Variants in SLC35F5 observed in about 807,000 individuals in gnomAD.
SLC35F5 encodes solute carrier family 35 member F5.
In SLC35F5, 54 loss-of-function variants were observed where a neutral mutation model predicts 68.6. The observed-to-expected ratio is 0.79, with a 90% CI of 0.63 to 0.99. The LOEUF (loss-of-function observed/expected upper bound fraction) is 0.99. Among genes scored for constraint, SLC35F5 ranks in the 50% least tolerant of loss-of-function variants. SLC35F5 has a pLI of 0.00. For missense variants in SLC35F5, 567 were observed against 626.9 expected (o/e 0.90, Z 1.02); for synonymous variants, 211 against 205.2 (o/e 1.03, Z -0.24).
chr2:113,737,497 G>GATTC (rs1275091112), intron 7 of SLC35F5, among the ~76,000 whole-genome samples: 1 of 152,190 alleles, frequency 6.6e-6, no homozygotes, highest in Non-Finnish European at 1.5e-5. Flanking sequence ...TAGAAAAGAA[G>GATTC]ATTCGACCCT....
At chr2:113,727,019 A>C (rs908906026) in intron 11 of SLC35F5, among the ~76,000 whole-genome samples, 1 of 152,122 alleles carries the variant, frequency 6.6e-6, no homozygotes, top group African/African-American at 2.4e-5. Flanking sequence ...TTGACTTGTA[A>C]TCCCCACGTG....
downstream of SLC35F5, among the ~76,000 whole-genome samples, chr2:113,704,465 G>A (rs1686759790): frequency 6.6e-6 from 1 of 152,216 alleles, no homozygotes; most frequent in African/African-American, 2.4e-5. Context: ...GGGCACCGCG[G>A]AGCAGGGGGC....
At chr2:113,728,026 C>T (rs1687735369) in intron 11 of SLC35F5, among the ~76,000 whole-genome samples, 1 of 152,144 alleles carries the variant, frequency 6.6e-6, no homozygotes, top group South Asian at 2.1e-4. Flanking sequence ...GCATCTTACT[C>T]TGTTACCCAG....
intron 10 of SLC35F5, among the ~76,000 whole-genome samples, chr2:113,730,075 T>G (rs1180064243): frequency 6.6e-6 from 1 of 152,220 alleles, no homozygotes; most frequent in Non-Finnish European, 1.5e-5. Context: ...TACTTACTAT[T>G]GTCAAGTGTG....
chr2:113,755,896 A>G (rs1676964884), intron 1 of SLC35F5: 1 of 1,550,524 alleles, frequency 6.4e-7, no homozygotes, highest in African/African-American at 1.4e-5. Flanking sequence ...CAGCGTCTAG[A>G]CACTGTTTCT....
intron 7 of SLC35F5, among the ~76,000 whole-genome samples, chr2:113,739,319 G>GT (rs1688203081): frequency 1.3e-5 from 2 of 151,130 alleles, no homozygotes; most frequent in South Asian, 2.1e-4. Context: ...TTGTGCTATT[G>GT]TTTTTCAATC....
In SLC35F5 at chr2:113,708,714, T is replaced by A. The variant is rs182206747; in HGVS notation, c.*6504A>T. On this transcript the variant is annotated 3_prime_UTR_variant, in exon 16 of 16. Coordinates refer to ENST00000245680, the MANE Select transcript of SLC35F5 (RefSeq NM_025181.5). ...GAGTGAGACTCTGTCTCAAAAAAAATAAAAAATAAAAAATAAAATACTGCA... is the reference window on the plus strand; with the variant it reads ...GAGTGAGACTCTGTCTCAAAAAAAAAAAAAAATAAAAAATAAAATACTGCA... Among the ~76,000 whole-genome samples the A allele has an allele frequency of 3.3e-3, 493 of 151,122 alleles. 9 individuals are homozygous for A. The highest frequency in any genetic ancestry group is 0.012 in the African/African-American group (472 of 40,766).
downstream of SLC35F5, among the ~76,000 whole-genome samples, chr2:113,704,646 G>A (rs1007344303): frequency 2.8e-4 from 42 of 152,160 alleles, no homozygotes; most frequent in African/African-American, 8.9e-4. Context: ...CCGCTGGCCC[G>A]GGTGCTAAGC....
rs748206952 is a variant in SLC35F5, at chr2:113,755,217, A to G, written c.221T>C (p.Val74Ala). The G allele has an allele frequency of 2.4e-5, 38 of 1,614,092 alleles. No individual in the cohort carries two copies. The highest frequency in any genetic ancestry group is 6.7e-5 in the Admixed American group (4 of 60,018). Residue 74 changes from valine (V) to alanine (A), a missense_variant, in exon 3 of 16, where the codon GTT (valine) becomes GCT (alanine). By Grantham distance (64) the Val-to-Ala change is moderately conservative. Transcript: ENST00000245680. Reference protein sequence around the residue: ...TQRRRMALGIVILLLVDVIWV... With the variant: ...TQRRRMALGIAILLLVDVIWV... ...TATCACATCAACAAGCAGAAGAATAACAATCCCAAGAGCCATTCGCCTGCG... is the reference window on the plus strand; with the variant it reads ...TATCACATCAACAAGCAGAAGAATAGCAATCCCAAGAGCCATTCGCCTGCG...
rs1677000164 is a variant in SLC35F5 at position 113,756,510 on chromosome 2, A to G, written c.-101T>C. The G allele has an allele frequency of 2.6e-6, 4 of 1,510,126 alleles. No individual in the cohort carries two copies. Among genetic ancestry groups the G allele is most frequent in the Non-Finnish European group, 3.5e-6 (4 of 1,133,526 alleles). 93.5% of individuals were successfully genotyped at this position (1,510,126 alleles called of 1,614,324 possible). ...TGACATCGCGCCGCACTGGAGGCCC[A>G]GCTCCTGAAGACGCGGTGCCCCTCA... is the stretch of plus-strand genomic sequence containing the variant. On this transcript the variant is annotated 5_prime_UTR_variant, in exon 1 of 16. Coordinates refer to ENST00000245680, the MANE Select transcript of SLC35F5 (RefSeq NM_025181.5).
chr2:113,713,769 A>AAAAAAAGAG lies in SLC35F5; in HGVS notation c.*1448_*1449insCTCTTTTTT, dbSNP rs578213425. The AAAAAAAGAG allele has an allele frequency of 1.4e-5, 2 of 138,752 alleles. No individual in the cohort carries two copies. Among genetic ancestry groups the AAAAAAAGAG allele is most frequent in the Non-Finnish European group, 1.6e-5 (1 of 64,228 alleles). The allele number at this position is 138,752 out of a possible 1,614,324, so 8.6% of individuals were successfully genotyped here. The stretch of plus-strand genomic sequence containing the variant: ...ATGATTAAAAAAAAAAAAAAAAAAA[A>AAAAAAAGAG]AGAGAGCTGTTTGTATTTTAAATTT... On this transcript the variant is annotated 3_prime_UTR_variant, in exon 16 of 16. Transcript: ENST00000245680.
Position 113,725,447 on chromosome 2 carries a change from T to C in SLC35F5, c.1181A>G (p.Lys394Arg), listed in dbSNP as rs371730492. The C allele has an allele frequency of 1.1e-5, 18 of 1,611,514 alleles. No homozygotes were observed. The highest frequency in any genetic ancestry group is 1.5e-5 in the Non-Finnish European group (18 of 1,179,214). ...AATGATAATGCACATTAATACTACT[T>C]TATTGGGAAACTCGAAGTCCTCAAA... ...TGFEDFEFPN[K>R]VVLMCIIING... Residue 394 changes from lysine (K) to arginine (R), a missense_variant, in exon 12 of 16, where the codon AAA becomes AGA. Transcript: ENST00000245680.
intron 3 of SLC35F5, among the ~76,000 whole-genome samples, chr2:113,754,176 G>C (rs56316177): frequency 0.078 from 11,854 of 151,768 alleles, 613 homozygotes; most frequent in Non-Finnish European, 0.12. Context: ...TGTAATCCCA[G>C]CTATTCAGGG....
chr2:113,723,363 G>A (rs1484316593), intron 12 of SLC35F5, among the ~76,000 whole-genome samples, 169 bp from the exon 13 acceptor site: 1 of 135,376 alleles, frequency 7.4e-6, no homozygotes, highest in Non-Finnish European at 1.6e-5. Flanking sequence ...ATGATTCTCA[G>A]TTTTTCTTCA....
At chr2:113,718,927 A>AAGAG (rs1182098254) in intron 14 of SLC35F5, among the ~76,000 whole-genome samples, 460 of 44,506 alleles carry the variant, frequency 0.01, 12 homozygotes, top group African/African-American at 0.029. Flanking sequence ...GAAAGAAAGA[A>AAGAG]AAAGAAAGGA....
intron 7 of SLC35F5, among the ~76,000 whole-genome samples, chr2:113,740,618 A>G (rs1225091305): frequency 6.6e-6 from 1 of 152,038 alleles, no homozygotes; most frequent in African/African-American, 2.4e-5. Context: ...ATCCATCCAC[A>G]GGATTTTTTT....
Position 113,729,454 on chromosome 2 carries a change from A to G in SLC35F5, c.1037T>C (p.Met346Thr), listed in dbSNP as rs563554604. The change falls in exon 11 of 16, where the codon ATG becomes ACG. Residue 346 changes from methionine (M) to threonine (T), a missense_variant. Physicochemically the swap from Met to Thr is moderately conservative, Grantham distance 81. Coordinates refer to ENST00000245680, the MANE Select transcript of SLC35F5 (RefSeq NM_025181.5). ...GAMLYAVYIV[M>T]IKRKVDREDK... is the part of the protein sequence containing the mutation. ...TTCTCTATCTACTTTTCTCTTAATC[A>G]TAACAATATAGACAGCATAGAGCAT... 1.9e-6 allele frequency: 3 copies of G among 1,595,264 alleles called. No homozygotes were observed. Among genetic ancestry groups the G allele is most frequent in the East Asian group, 2.3e-5 (1 of 44,068 alleles).
intron 3 of SLC35F5, among the ~76,000 whole-genome samples, chr2:113,752,072 C>T (rs552502491): frequency 6.6e-6 from 1 of 152,084 alleles, no homozygotes; most frequent in Admixed American, 6.5e-5. Context: ...ATTAGCTGGG[C>T]GTGGTGGCAG....
At chr2:113,706,360 G>GT (rs1327880974), downstream of SLC35F5, among the ~76,000 whole-genome samples, 8 of 152,068 alleles carry the variant, frequency 5.3e-5, no homozygotes, top group South Asian at 1.0e-3. Flanking sequence ...TGCTGCGGGG[G>GT]TTGTGCTTCC....
Sources: gnomAD v4.1 joint callset for allele counts (sites outside exome capture counted in the v4.1 genomes callset) on GRCh38, gnomAD v4.1.1 for gene constraint, MANE v1.5 for transcripts, NCBI Gene and HGNC (gene_info 2026-07-23, HGNC 2026-07-21) for gene names.